Variants in CDYL observed in about 807,000 individuals in gnomAD.
CDYL encodes the protein chromodomain Y like.
In CDYL, 8 loss-of-function variants were observed where a neutral mutation model predicts 47.3. The observed-to-expected ratio is 0.17, with a 90% CI of 0.10 to 0.31. The LOEUF is 0.31. Ranked by LOEUF, CDYL falls within the 10% of genes least tolerant of loss-of-function variation. The pLI is 1.00. For synonymous variants in CDYL, 266 were observed against 265.0 expected (o/e 1.00, Z -0.04); for missense variants, 471 against 701.4 (o/e 0.67, Z 3.71).
rs1288939304 is a variant in CDYL at position 4,734,883 on chromosome 6, A to G, written c.186+39A>G. The stretch of plus-strand genomic sequence containing the variant: ...TCTCCCAGTGGCAAGCTTGGAGTCC[A>G]TCTGGCAAGGAAGAGCCCATAGGGG... On this transcript the variant is annotated intron_variant, in intron 3 of 8. Coordinates refer to the CDYL transcript ENST00000328908. 6 of 1,612,198 alleles carry G rather than the reference A, an allele frequency of 3.7e-6. No individual in the cohort carries two copies. The Admixed American group carries it at 6.7e-5, about 18-fold the overall frequency.
At chr6:4,898,797 CATA>C (rs1762359912) in intron 2 of CDYL, among the ~76,000 whole-genome samples, 1 of 152,192 alleles carries the variant, frequency 6.6e-6, no homozygotes. Context: ...ACATGCACAC[CATA>C]ATGATTTTAT....
In CDYL at chr6:4,821,260, CTTTTTTTTTTT is replaced by C. The variant is rs1176819548; in HGVS notation, c.24+44472_24+44482del. Among the ~76,000 whole-genome samples, 462 of 60,418 alleles carry C rather than the reference CTTTTTTTTTTT, an allele frequency of 7.6e-3. 2 individuals are homozygous for C. Among genetic ancestry groups the C allele is most frequent in the African/African-American group, 0.031 (434 of 13,936 alleles). 39.6% of individuals were successfully genotyped at this position (60,418 alleles called of 152,430 possible). ...TGATTATCATGGTCATATGGGAATT[CTTTTTTTTTTT>C]TTTTTTTTTTTTTTTTTTGAGACGG... On this transcript the variant is annotated intron_variant, in intron 1 of 6. Coordinates refer to ENST00000397588, the MANE Select transcript of CDYL (RefSeq NM_004824.4).
intron 3 of CDYL, among the ~76,000 whole-genome samples, chr6:4,756,106 A>T (rs78270402): frequency 0.13 from 19,384 of 152,008 alleles, 1,541 homozygotes; most frequent in South Asian, 0.24. Flanking sequence ...GTCTCCAATA[A>T]ATCTCTGCCC....
chr6:4,794,936 A>G (rs1759028190), intron 1 of CDYL, among the ~76,000 whole-genome samples: 1 of 151,964 alleles, frequency 6.6e-6, no homozygotes, highest in Admixed American at 6.5e-5. Context: ...TATGTAGACA[A>G]TTATATCTTG....
At chr6:4,931,905 C>G (rs1229395974) in intron 2 of CDYL, among the ~76,000 whole-genome samples, 3 of 152,172 alleles carry the variant, frequency 2.0e-5, no homozygotes, top group African/African-American at 7.2e-5. Context: ...ACGGATAGTT[C>G]GTAGGGACTA....
intron 1 of CDYL, among the ~76,000 whole-genome samples, chr6:4,810,244 T>A (rs960115566): frequency 6.6e-6 from 1 of 152,190 alleles, no homozygotes; most frequent in Non-Finnish European, 1.5e-5. Flanking sequence ...ACTTCCTAAC[T>A]CCTACTTCAC....
chr6:4,955,472 A>T lies in CDYL; in HGVS notation c.*1416A>T, dbSNP rs753579355. The T allele has an allele frequency of 6.5e-6, 1 of 152,676 alleles. No homozygotes were observed. Among genetic ancestry groups the T allele is most frequent in the Non-Finnish European group, 1.5e-5 (1 of 68,052 alleles). 9.5% of individuals were successfully genotyped at this position (152,676 alleles called of 1,614,324 possible). On this transcript the variant is annotated 3_prime_UTR_variant, in exon 7 of 7. Transcript: ENST00000397588. ...GTTTGAACTATATATAAACTGTACA[A>T]TCTGTAAAGTTTTTATAGAATAAAT... is the stretch of plus-strand genomic sequence containing the variant.
intron 3 of CDYL, among the ~76,000 whole-genome samples, chr6:4,742,179 C>G (rs914821866): frequency 6.6e-6 from 1 of 151,814 alleles, no homozygotes; most frequent in Admixed American, 6.6e-5. Flanking sequence ...CATAGTGAAG[C>G]CTCATCTCTA....
chr6:4,838,226 GTGA>G (rs1372354585), intron 1 of CDYL, among the ~76,000 whole-genome samples: 2 of 152,056 alleles, frequency 1.3e-5, no homozygotes, highest in Admixed American at 6.6e-5. Context: ...TTCCTTAGTG[GTGA>G]TTTCTGAGAT....
At chr6:4,793,656 C>T (rs1468867585) in intron 1 of CDYL, among the ~76,000 whole-genome samples, 1 of 152,054 alleles carries the variant, frequency 6.6e-6, no homozygotes, top group Non-Finnish European at 1.5e-5. Flanking sequence ...GCCGGGAGAC[C>T]AACTAGGAGG....
chr6:4,841,092 T>C (rs1760476175), intron 1 of CDYL, among the ~76,000 whole-genome samples: 1 of 152,166 alleles, frequency 6.6e-6, no homozygotes, highest in African/African-American at 2.4e-5. Flanking sequence ...TGTCACTGTT[T>C]GTTATTGGTC....
chr6:4,720,516 A>T (rs991091450), intron 2 of CDYL, among the ~76,000 whole-genome samples: 2 of 152,226 alleles, frequency 1.3e-5, no homozygotes, highest in Admixed American at 6.5e-5. Context: ...AACCATTTCC[A>T]TGAATAACAT....
intron 2 of CDYL, among the ~76,000 whole-genome samples, chr6:4,894,030 C>A (rs1204321527): frequency 6.6e-6 from 1 of 152,194 alleles, no homozygotes; most frequent in East Asian, 1.9e-4. Context: ...AGCTTGTGAA[C>A]TTGTTTGCAG....
chr6:4,829,419 C>T (rs1283923075), intron 1 of CDYL, among the ~76,000 whole-genome samples: 1 of 152,202 alleles, frequency 6.6e-6, no homozygotes, highest in African/African-American at 2.4e-5. Context: ...CAAAACAAAA[C>T]AGAGCACTTC....
intron 2 of CDYL, among the ~76,000 whole-genome samples, chr6:4,919,184 G>T (rs557551103): frequency 4.5e-4 from 68 of 152,216 alleles, no homozygotes; most frequent in Non-Finnish European, 6.0e-4. Context: ...TAAGAGTGAG[G>T]CTCCTGCACA....
At chr6:4,940,290 C>T (rs1178558358) in intron 4 of CDYL, among the ~76,000 whole-genome samples, 3 of 152,208 alleles carry the variant, frequency 2.0e-5, no homozygotes, top group East Asian at 3.8e-4. Flanking sequence ...GTGAATTTTC[C>T]TTAATGTAGT....
intron 1 of CDYL, among the ~76,000 whole-genome samples, chr6:4,863,303 A>G (rs1761225985): frequency 6.6e-6 from 1 of 152,216 alleles, no homozygotes; most frequent in African/African-American, 2.4e-5. Flanking sequence ...CCCCAGCTTT[A>G]TATATTATAC....
chr6:4,929,379 G>T (rs950269033), intron 2 of CDYL, among the ~76,000 whole-genome samples: 1 of 151,288 alleles, frequency 6.6e-6, no homozygotes, highest in African/African-American at 2.4e-5. Flanking sequence ...CCTTAGTTTG[G>T]GGTTTGTGTG....
At chr6:4,875,493 T>C (rs2127475261) in intron 1 of CDYL, among the ~76,000 whole-genome samples, 1 of 152,342 alleles carries the variant, frequency 6.6e-6, no homozygotes, top group South Asian at 2.1e-4. Context: ...GTCTCAGCCA[T>C]GTTTTGCCAT....
Sources: gnomAD v4.1 joint callset for allele counts (sites outside exome capture counted in the v4.1 genomes callset) on GRCh38, gnomAD v4.1.1 for gene constraint, MANE v1.5 for transcripts, NCBI Gene and HGNC (gene_info 2026-07-23, HGNC 2026-07-21) for gene names.